XPR1: variants seen among roughly 807,000 people sequenced by gnomAD.
The protein encoded by XPR1 is solute carrier family 53 member 1.
XPR1 carries 28 observed loss-of-function variants against 87.5 expected under a neutral mutation model. The ratio of observed to expected loss-of-function variants is 0.32; its 90% confidence interval spans 0.24 to 0.44. The LOEUF (loss-of-function observed/expected upper bound fraction) is 0.44. Ranked by LOEUF, XPR1 falls within the 20% of genes least tolerant of loss-of-function variation. The probability of loss-of-function intolerance (pLI) is 1.00; values close to 1 mark genes in which losing one functional copy is unlikely to be tolerated. For synonymous variants in XPR1, 300 were observed against 306.1 expected (o/e 0.98, Z 0.21); for missense variants, 559 against 862.3 (o/e 0.65, Z 4.41).
intron 1 of XPR1, among the ~76,000 whole-genome samples, chr1:180,635,037 T>C (rs1654718214): frequency 6.6e-6 from 1 of 152,080 alleles, no homozygotes; most frequent in South Asian, 2.1e-4. Context: ...TTCCTTGAAC[T>C]GATAAAATTA....
At chr1:180,687,230 T>G (rs1656812775) in intron 2 of XPR1, among the ~76,000 whole-genome samples, 1 of 152,172 alleles carries the variant, frequency 6.6e-6, no homozygotes, top group African/African-American at 2.4e-5. Flanking sequence ...GATGATGATA[T>G]TTATTCATCC....
At chr1:180,770,304 G>C (rs1176927691) in intron 2 of XPR1, among the ~76,000 whole-genome samples, 1 of 152,214 alleles carries the variant, frequency 6.6e-6, no homozygotes, top group East Asian at 1.9e-4. Context: ...GTCTGGAAGT[G>C]TAAGATCAGA....
intron 11 of XPR1, among the ~76,000 whole-genome samples, chr1:180,855,374 G>A (rs1271702216): frequency 1.3e-5 from 2 of 152,062 alleles, no homozygotes; most frequent in Non-Finnish European, 2.9e-5. Context: ...AACTTGAAAA[G>A]GGGTTTTTAC....
At position 180,748,400 on chromosome 1, in the gene XPR1, C is replaced by CTTTTTTTTTTTTTTTTTTT. The variant is rs71297873; in HGVS notation, c.122-39336_122-39318dup. On this transcript the variant is annotated intron_variant, in intron 2 of 14. Transcript: ENST00000367590. Reference sequence around the variant, plus strand: ...TGCTACTCTGTGTTATTATTTATGTCTTTTTTTTTTTTTTTTTTTTTTTTT... The same window carrying CTTTTTTTTTTTTTTTTTTT: ...TGCTACTCTGTGTTATTATTTATGTCTTTTTTTTTTTTTTTTTTTTTTTTTTTTTTTTTTTTTTTTTTTT... 1.1e-3 allele frequency among the ~76,000 whole-genome samples: 32 copies of CTTTTTTTTTTTTTTTTTTT among 29,682 alleles called. 8 individuals are homozygous for CTTTTTTTTTTTTTTTTTTT. Among genetic ancestry groups the CTTTTTTTTTTTTTTTTTTT allele is most frequent in the Middle Eastern group, 0.11 (2 of 18 alleles). The allele number at this position is 29,682 out of a possible 152,430, so 19.5% of individuals were successfully genotyped here. A position where few individuals can be genotyped will look rare whatever the true frequency, so the allele number is the denominator to read the frequency against.
intron 2 of XPR1, among the ~76,000 whole-genome samples, chr1:180,691,158 A>G (rs1656981363): frequency 6.6e-6 from 1 of 152,036 alleles, no homozygotes; most frequent in African/African-American, 2.4e-5. Flanking sequence ...ATCATGTTTT[A>G]TTGCTGAGAA....
intron 2 of XPR1, among the ~76,000 whole-genome samples, chr1:180,766,691 C>G (rs1050516914): frequency 6.6e-6 from 1 of 151,892 alleles, no homozygotes; most frequent in Non-Finnish European, 1.5e-5. Context: ...TGTATTTGTT[C>G]TGGAGAGGAG....
chr1:180,844,445 G>A (rs892537766), intron 11 of XPR1, among the ~76,000 whole-genome samples: 1 of 152,178 alleles, frequency 6.6e-6, no homozygotes, highest in Non-Finnish European at 1.5e-5. Flanking sequence ...GCAGGCAAAT[G>A]TACTTACAGA....
intron 7 of XPR1, among the ~76,000 whole-genome samples, chr1:180,814,410 ATGTTAT>A (rs1558021465): frequency 3.3e-5 from 5 of 152,222 alleles, no homozygotes; most frequent in African/African-American, 1.2e-4. Flanking sequence ...ACTCAGATCT[ATGTTAT>A]CAAGCTAGCT....
In XPR1 at chr1:180,831,367, T is replaced by TCTTTC. The variant is rs1553252335; in HGVS notation, c.1135-3507_1135-3506insCTTTC. Among the ~76,000 whole-genome samples the TCTTTC allele has an allele frequency of 9.6e-5, 13 of 135,270 alleles. No homozygotes were observed. In the South Asian group the frequency reaches 3.0e-3, roughly 31 times the overall value. 88.7% of individuals were successfully genotyped at this position (135,270 alleles called of 152,430 possible). A position where few individuals can be genotyped will look rare whatever the true frequency, so the allele number is the denominator to read the frequency against. ...TTCTATTTTCTTTTCTTTTTCTTTT[T>TCTTTC]TTTTTTTTTTTTTTGATAACATGGG... On this transcript the variant is annotated intron_variant, in intron 9 of 14. Coordinates refer to ENST00000367590, the MANE Select transcript of XPR1 (RefSeq NM_004736.4).
intron 7 of XPR1, among the ~76,000 whole-genome samples, chr1:180,813,071 A>G (rs1650283337): frequency 7.7e-6 from 1 of 129,656 alleles, no homozygotes; most frequent in South Asian, 2.8e-4. Context: ...AGATCATGTC[A>G]CTCTCCTATT....
At chr1:180,865,337 C>T (rs1420027789) in intron 12 of XPR1, among the ~76,000 whole-genome samples, 4 of 151,462 alleles carry the variant, frequency 2.6e-5, no homozygotes, top group Non-Finnish European at 5.9e-5. Flanking sequence ...TTGTGCTCAC[C>T]AAATATGTGT....
chr1:180,786,573 T>C (rs1571837101), intron 2 of XPR1, among the ~76,000 whole-genome samples: 1 of 152,190 alleles, frequency 6.6e-6, no homozygotes. Context: ...TTCCTGAAGT[T>C]ACATATATCT....
At chr1:180,689,052 C>T (rs1438151471) in intron 2 of XPR1, among the ~76,000 whole-genome samples, 1 of 152,074 alleles carries the variant, frequency 6.6e-6, no homozygotes, top group South Asian at 2.1e-4. Flanking sequence ...GTGTTTTCTA[C>T]TCTTTATTTG....
chr1:180,834,753 T>G, intron 9 of XPR1, 121 bp from the exon 10 acceptor site: 1 of 1,120,152 alleles, frequency 8.9e-7, no homozygotes, highest in Non-Finnish European at 1.2e-6. Context: ...GTATTTATGA[T>G]TGGTTCTTTG....
At chr1:180,779,600 C>A (rs192528388) in intron 2 of XPR1, among the ~76,000 whole-genome samples, 8 of 150,376 alleles carry the variant, frequency 5.3e-5, no homozygotes, top group African/African-American at 2.0e-4. Flanking sequence ...AGTAGAAATA[C>A]AAAAATTGGG....
At chr1:180,834,619 C>G (rs1056374352) in intron 9 of XPR1, among the ~76,000 whole-genome samples, 2 of 152,180 alleles carry the variant, frequency 1.3e-5, no homozygotes, top group Non-Finnish European at 2.9e-5. Flanking sequence ...TTAGCAGCAT[C>G]CATGCTGTTT....
Position 180,824,750 on chromosome 1 carries a change from C to T in XPR1, c.764-3C>T. 1 of 1,601,880 alleles carries T rather than the reference C, an allele frequency of 6.2e-7. No individual in the cohort carries two copies. On this transcript the variant is annotated splice_region_variant and splice_polypyrimidine_tract_variant and intron_variant, in intron 7 of 14. Transcript: ENST00000367590. ...ACTGACCAATATCTTAATATTCTTT[C>T]AGCTGTATTTAAACTTGAAACAGAT...
At chr1:180,718,500 G>A (rs926195324) in intron 2 of XPR1, among the ~76,000 whole-genome samples, 2 of 152,076 alleles carry the variant, frequency 1.3e-5, no homozygotes, top group African/African-American at 4.8e-5. Flanking sequence ...CTACCACATA[G>A]GGACATTAGG....
At chr1:180,856,525 G>A (rs1652039521) in intron 11 of XPR1, among the ~76,000 whole-genome samples, 1 of 152,128 alleles carries the variant, frequency 6.6e-6, no homozygotes, top group Admixed American at 6.5e-5. Flanking sequence ...CCACCTCGAT[G>A]TTTCGTAAGT....
Sources: allele counts gnomAD v4.1 joint callset (sites outside exome capture counted in the v4.1 genomes callset), GRCh38; gene constraint gnomAD v4.1.1; transcripts MANE v1.5; gene names NCBI Gene and HGNC (gene_info 2026-07-23, HGNC 2026-07-21).